The following NUP62 variants were observed in gnomAD, a reference collection of about 807,000 sequenced individuals.
NUP62 encodes nuclear pore glycoprotein p62.
For missense variants in NUP62, 647 were observed against 689.4 expected (o/e 0.94, Z 0.69); for synonymous variants, 305 against 303.4 (o/e 1.01, Z -0.05).
At chr19:49,910,569 G>A (rs1435155404) in intron 2 of NUP62, among the ~76,000 whole-genome samples, 1 of 152,262 alleles carries the variant, frequency 6.6e-6, no homozygotes, top group South Asian at 2.1e-4. Context: ...GCCTCCCCTG[G>A]GGTTTTCTCC....
intron 2 of NUP62, among the ~76,000 whole-genome samples, chr19:49,926,854 AC>A (rs1342897758): frequency 9.1e-6 from 1 of 109,572 alleles, no homozygotes; most frequent in Non-Finnish European, 1.8e-5. Context: ...AGAAGTAGGT[AC>A]TTTTTTTTTT....
chr19:49,914,150 G>C (rs1350143481), intron 2 of NUP62, among the ~76,000 whole-genome samples: 1 of 151,950 alleles, frequency 6.6e-6, no homozygotes, highest in African/African-American at 2.4e-5. Context: ...GGAGTTTGAG[G>C]CAAAAAACAA....
At chr19:49,911,681 T>C (rs2075467265) in intron 2 of NUP62, among the ~76,000 whole-genome samples, 1 of 152,184 alleles carries the variant, frequency 6.6e-6, no homozygotes, top group African/African-American at 2.4e-5. Flanking sequence ...CTCTGCCTTG[T>C]CTAAGCCAGT....
At position 49,907,566 on chromosome 19, in the gene NUP62, AGTCTCTGT is replaced by A. The variant is rs767699595; in HGVS notation, c.*665_*672del. 3.0e-5 allele frequency: 12 copies of A among 394,248 alleles called. No individual in the cohort carries two copies. The highest frequency in any genetic ancestry group is 2.1e-4 in the South Asian group (12 of 57,106). 24.4% of individuals were successfully genotyped at this position (394,248 alleles called of 1,614,324 possible). A position where few individuals can be genotyped will look rare whatever the true frequency, so the allele number is the denominator to read the frequency against. ...TTTTTTTTTTTTTTTTTTGAGACAG[AGTCTCTGT>A]TGCCTAGGCTGGAGTGCAGTGGTGT... On this transcript the variant is annotated 3_prime_UTR_variant, in exon 3 of 3. Transcript: ENST00000352066.
chr19:49,907,787 T>C lies in NUP62; in HGVS notation c.*452A>G, dbSNP rs1422009046. 9.3e-5 allele frequency: 31 copies of C among 333,170 alleles called. No individual in the cohort carries two copies. Among genetic ancestry groups the C allele is most frequent in the Non-Finnish European group, 1.7e-4 (29 of 173,106 alleles). The allele number at this position is 333,170 out of a possible 1,614,324, so 20.6% of individuals were successfully genotyped here. A position where few individuals can be genotyped will look rare whatever the true frequency, so the allele number is the denominator to read the frequency against. On this transcript the variant is annotated 3_prime_UTR_variant, in exon 3 of 3. Coordinates refer to ENST00000352066, the MANE Select transcript of NUP62 (RefSeq NM_016553.5). Reference sequence around the variant, plus strand: ...CTGACCTCAAGTCATCTGCCCGCCTTGGCCACCCAAAGTGCTGAGATTACA... The same window carrying C: ...CTGACCTCAAGTCATCTGCCCGCCTCGGCCACCCAAAGTGCTGAGATTACA...
intron 2 of NUP62, chr19:49,918,486 A>C (rs778873845): frequency 2.0e-5 from 3 of 152,196 alleles, no homozygotes; most frequent in Non-Finnish European, 2.9e-5. Flanking sequence ...AATAGTAGGG[A>C]GGGAGGAAGG....
chr19:49,928,757 G>C (rs2075977711), intron 1 of NUP62: 1 of 152,268 alleles, frequency 6.6e-6, no homozygotes. Context: ...GTTTCTCAGA[G>C]TCAGCAGCTG....
At chr19:49,911,255 G>A (rs1040547108) in intron 2 of NUP62, 6 of 152,214 alleles carry the variant, frequency 3.9e-5, no homozygotes, top group Non-Finnish European at 8.8e-5. Flanking sequence ...GAAAGCTTGT[G>A]GTGACACGAG....
chr19:49,918,895 T>TGGGGGGGGGGGG (rs56129490), intron 2 of NUP62, among the ~76,000 whole-genome samples: 58 of 72,332 alleles, frequency 8.0e-4, no homozygotes, highest in Admixed American at 1.2e-3. Context: ...TTTGGGAGGC[T>TGGGGGGGGGGGG]GGGGGGGGGG....
chr19:49,922,527 T>C (rs1337761911), intron 2 of NUP62, among the ~76,000 whole-genome samples: 1 of 151,824 alleles, frequency 6.6e-6, no homozygotes, highest in East Asian at 1.9e-4. Context: ...GCCTCAATCC[T>C]CGGAGACTCT....
intron 2 of NUP62, among the ~76,000 whole-genome samples, chr19:49,926,338 T>C (rs1366194831): frequency 1.3e-5 from 2 of 151,908 alleles, no homozygotes; most frequent in African/African-American, 2.4e-5. Context: ...AAGACCAGCC[T>C]GGCCAACATG....
chr19:49,907,350 C>T lies in NUP62; in HGVS notation c.*889G>A, dbSNP rs186984993. On this transcript the variant is annotated 3_prime_UTR_variant, in exon 3 of 3. Transcript: ENST00000352066. ...TGGGCCAGGCAAAAGGCAGGCCTCT[C>T]GGCGCCCATCTGTGGTTCCTCAACA... 24 of 313,992 alleles carry T rather than the reference C, an allele frequency of 7.6e-5. No homozygotes were observed. Among genetic ancestry groups the T allele is most frequent in the Admixed American group, 2.4e-4 (5 of 20,918 alleles). The allele number at this position is 313,992 out of a possible 1,614,324, so 19.5% of individuals were successfully genotyped here. A position where few individuals can be genotyped will look rare whatever the true frequency, so the allele number is the denominator to read the frequency against.
intron 2 of NUP62, 138 bp downstream of exon 2, chr19:49,927,556 A>G (rs2075931728): frequency 1.3e-5 from 2 of 152,184 alleles, no homozygotes; most frequent in South Asian, 4.1e-4. Flanking sequence ...CACAGCCCCT[A>G]TAGGCCCAAG....
intron 2 of NUP62, among the ~76,000 whole-genome samples, chr19:49,915,322 G>A (rs1227980672): frequency 1.3e-5 from 2 of 152,156 alleles, no homozygotes; most frequent in African/African-American, 4.8e-5. Flanking sequence ...GTTCTTCAGG[G>A]AGGCAGGAGT....
At chr19:49,925,618 A>AG (rs1260062115) in intron 2 of NUP62, among the ~76,000 whole-genome samples, 2 of 152,210 alleles carry the variant, frequency 1.3e-5, no homozygotes, top group African/African-American at 4.8e-5. Flanking sequence ...CACAGGCCAG[A>AG]GGAGGCTGCG....
intron 2 of NUP62, among the ~76,000 whole-genome samples, chr19:49,924,500 C>A (rs1030409436): frequency 2.0e-5 from 3 of 152,178 alleles, no homozygotes; most frequent in Middle Eastern, 3.2e-3. Context: ...CTGCCTGCAA[C>A]CACCGCCTCA....
At chr19:49,917,024 C>A (rs1181501472) in intron 2 of NUP62, among the ~76,000 whole-genome samples, 4 of 152,272 alleles carry the variant, frequency 2.6e-5, no homozygotes, top group Admixed American at 2.6e-4. Context: ...AGATGCAAGA[C>A]GGACAGGGTG....
chr19:49,928,528 AAAAAC>A (rs2075968132), intron 1 of NUP62: 1 of 152,004 alleles, frequency 6.6e-6, no homozygotes, highest in Non-Finnish European at 1.5e-5. Context: ...CTCAAAAAAA[AAAAAC>A]AGTTGAACAG....
rs2075761916 is a variant in NUP62, at chr19:49,921,395, T to C, written c.-78+6299A>G. 1.3e-5 allele frequency among the ~76,000 whole-genome samples: 2 copies of C among 152,034 alleles called. No homozygotes were observed. The highest frequency in any genetic ancestry group is 4.1e-4 in the South Asian group (2 of 4,820). Reference sequence around the variant, plus strand: ...CGTCCCCTGCCTCATCCAGTCCCCCTTCCCATTCTCCAGAGACTTCCTGGG... The same window carrying C: ...CGTCCCCTGCCTCATCCAGTCCCCCCTCCCATTCTCCAGAGACTTCCTGGG... On this transcript the variant is annotated intron_variant, in intron 2 of 2. Transcript: ENST00000352066. The surrounding 1 kb of genome is among the most constrained non-coding windows in gnomAD (Gnocchi z 5.4).
Sources: gnomAD v4.1 joint callset for allele counts (sites outside exome capture counted in the v4.1 genomes callset) on GRCh38, gnomAD v4.1.1 for gene constraint, Gnocchi (gnomAD v3.1) non-coding constraint, MANE v1.5 for transcripts, NCBI Gene and HGNC (gene_info 2026-07-23, HGNC 2026-07-21) for gene names.